UBE2E2: variants seen among roughly 807,000 people sequenced by gnomAD.
UBE2E2 encodes ubiquitin-conjugating enzyme E2 E2.
Under a neutral mutation model 24.7 loss-of-function variants are expected in UBE2E2, and 6 were observed. The ratio of observed to expected loss-of-function variants is 0.24; its 90% confidence interval spans 0.13 to 0.48. The LOEUF is 0.48. Among genes scored for constraint, UBE2E2 ranks in the 20% least tolerant of loss-of-function variants. The probability of loss-of-function intolerance (pLI) is 0.99; values close to 1 mark genes in which losing one functional copy is unlikely to be tolerated. For synonymous variants in UBE2E2, 104 were observed against 83.6 expected, an observed-to-expected ratio of 1.24 and a Z score of -1.33; for missense variants, 169 against 245.0, an observed-to-expected ratio of 0.69 and a Z score of 2.07.
intron 3 of UBE2E2, among the ~76,000 whole-genome samples, chr3:23,399,317 C>T (rs906663063): frequency 1.3e-5 from 2 of 152,130 alleles, no homozygotes; most frequent in African/African-American, 4.8e-5. Flanking sequence ...ATAAGAGTTA[C>T]TTGAACACAA....
intron 3 of UBE2E2, among the ~76,000 whole-genome samples, chr3:23,219,877 G>C (rs558514596): frequency 2.6e-5 from 4 of 152,156 alleles, no homozygotes; most frequent in Non-Finnish European, 5.9e-5. Context: ...GTAGGGGTGG[G>C]TGTGTGTCAC....
At chr3:23,567,078 T>C (rs568582729) in intron 5 of UBE2E2, among the ~76,000 whole-genome samples, 1 of 152,206 alleles carries the variant, frequency 6.6e-6, no homozygotes, top group Admixed American at 6.5e-5. Flanking sequence ...TCAGTGAATA[T>C]TATTTAGTCA....
At chr3:23,479,211 G>A (rs1291796660) in intron 3 of UBE2E2, among the ~76,000 whole-genome samples, 1 of 152,178 alleles carries the variant, frequency 6.6e-6, no homozygotes, top group Non-Finnish European at 1.5e-5. Flanking sequence ...GGTGAGCCAG[G>A]CACGGAGCAG....
At chr3:23,442,517 GAAGA>G (rs1698331176) in intron 3 of UBE2E2, among the ~76,000 whole-genome samples, 1 of 152,132 alleles carries the variant, frequency 6.6e-6, no homozygotes, top group Admixed American at 6.5e-5. Context: ...TATGTGTAAG[GAAGA>G]AAGTCTTACT....
intron 3 of UBE2E2, among the ~76,000 whole-genome samples, chr3:23,395,900 C>G (rs1417007148): frequency 6.6e-6 from 1 of 152,106 alleles, no homozygotes; most frequent in Non-Finnish European, 1.5e-5. Flanking sequence ...ACTAAATATA[C>G]AAGTGAATAT....
chr3:23,245,303 G>T (rs996075681), intron 3 of UBE2E2, among the ~76,000 whole-genome samples: 1 of 152,086 alleles, frequency 6.6e-6, no homozygotes, highest in East Asian at 1.9e-4. Flanking sequence ...CTCATATGTG[G>T]TAAACATTAT....
At chr3:23,398,883 G>A (rs1186620113) in intron 3 of UBE2E2, among the ~76,000 whole-genome samples, 1 of 152,128 alleles carries the variant, frequency 6.6e-6, no homozygotes. Flanking sequence ...TAATGTAATT[G>A]TCAGAAAACT....
chr3:23,415,706 A>G (rs1448792758), intron 3 of UBE2E2, among the ~76,000 whole-genome samples: 2 of 152,198 alleles, frequency 1.3e-5, no homozygotes, highest in African/African-American at 2.4e-5. Flanking sequence ...TCATATCAGT[A>G]AATAAAACCC....
intron 3 of UBE2E2, among the ~76,000 whole-genome samples, chr3:23,349,056 G>T (rs1371313680): frequency 6.6e-6 from 1 of 152,148 alleles, no homozygotes; most frequent in Non-Finnish European, 1.5e-5. Context: ...AATTGGCTTG[G>T]TTTCAAGAGG....
At chr3:23,376,100 T>C (rs1696515187) in intron 3 of UBE2E2, among the ~76,000 whole-genome samples, 1 of 152,212 alleles carries the variant, frequency 6.6e-6, no homozygotes, top group Admixed American at 6.5e-5. Context: ...GGAATCTTAA[T>C]AAATTAAATG....
At chr3:23,266,053 A>T (rs1157347624) in intron 3 of UBE2E2, among the ~76,000 whole-genome samples, 1 of 152,114 alleles carries the variant, frequency 6.6e-6, no homozygotes, top group Non-Finnish European at 1.5e-5. Flanking sequence ...TGCACGTGAG[A>T]TGGGTTCCCT....
chr3:23,437,826 C>T (rs1212156419), intron 3 of UBE2E2, among the ~76,000 whole-genome samples: 4 of 152,214 alleles, frequency 2.6e-5, no homozygotes. Flanking sequence ...TCTGCATCCT[C>T]AGCATTGTGT....
At chr3:23,572,495 T>C (rs988487462) in intron 5 of UBE2E2, among the ~76,000 whole-genome samples, 5 of 152,204 alleles carry the variant, frequency 3.3e-5, no homozygotes, top group Non-Finnish European at 5.9e-5. Context: ...GTGAACATAA[T>C]ACCCAATAGG....
chr3:23,260,007 C>T (rs986953799), intron 3 of UBE2E2, among the ~76,000 whole-genome samples: 1 of 152,028 alleles, frequency 6.6e-6, no homozygotes, highest in African/African-American at 2.4e-5. Flanking sequence ...TGTTGTTATC[C>T]CTTTTATGTG....
intron 5 of UBE2E2, among the ~76,000 whole-genome samples, chr3:23,551,638 T>C (rs1312103036): frequency 6.6e-6 from 1 of 152,054 alleles, no homozygotes; most frequent in Non-Finnish European, 1.5e-5. Flanking sequence ...TTAGAAAGAA[T>C]GGGGGCAGCT....
intron 3 of UBE2E2, among the ~76,000 whole-genome samples, chr3:23,411,408 CT>C (rs1485297804): frequency 6.6e-6 from 1 of 152,102 alleles, no homozygotes; most frequent in Non-Finnish European, 1.5e-5. Flanking sequence ...CTCCTTTACT[CT>C]GATGGTCCTT....
intron 4 of UBE2E2, among the ~76,000 whole-genome samples, chr3:23,514,108 C>T (rs1027282701): frequency 9.9e-5 from 15 of 152,190 alleles, no homozygotes; most frequent in Non-Finnish European, 2.2e-4. Flanking sequence ...CCTCCTAGGC[C>T]TCCTTTTTGA....
At chr3:23,498,580 T>C (rs1158757917) in intron 3 of UBE2E2, among the ~76,000 whole-genome samples, 3 of 152,212 alleles carry the variant, frequency 2.0e-5, no homozygotes, top group Non-Finnish European at 4.4e-5. Context: ...TTAACTCTTA[T>C]GAGTACTTTT....
intron 3 of UBE2E2, among the ~76,000 whole-genome samples, chr3:23,325,083 T>C (rs942272844): frequency 2.6e-5 from 4 of 152,148 alleles, no homozygotes; most frequent in Admixed American, 2.0e-4. Context: ...GTACAGAATA[T>C]AGGTCCTTAT....
Sources: allele counts gnomAD v4.1 joint callset (sites outside exome capture counted in the v4.1 genomes callset), GRCh38; gene constraint gnomAD v4.1.1; transcripts MANE v1.5; gene names NCBI Gene and HGNC (gene_info 2026-07-23, HGNC 2026-07-21).